Variants in OFD1 observed in about 807,000 individuals in gnomAD.
OFD1 encodes centriole and centriolar satellite protein OFD1.
Under a neutral mutation model 81.4 loss-of-function variants are expected in OFD1, and 12 were observed. That is an observed-to-expected ratio of 0.15 (90% CI 0.09 to 0.24). The LOEUF is 0.24. OFD1 is among the 10% of genes least tolerant of loss of function. The pLI is 1.00. For missense variants in OFD1, 685 were observed against 733.9 expected, an observed-to-expected ratio of 0.93 and a Z score of 0.77; for synonymous variants, 256 against 263.7, an observed-to-expected ratio of 0.97 and a Z score of 0.28.
intron 10 of OFD1, 110 bp from the exon 11 acceptor site, chrX:13,753,258 C>T: frequency 1.7e-6 from 2 of 1,174,441 alleles, no homozygotes; most frequent in East Asian, 6.1e-5. Flanking sequence ...TACAAGTTGT[C>T]ATGTTTAGCA....
Position 13,734,773 on chromosome X carries a change from G to A in OFD1, c.-299G>A. 1 of 1,056,248 alleles carries A rather than the reference G, an allele frequency of 9.5e-7. No individual in the cohort carries two copies. Among genetic ancestry groups the A allele is most frequent in the South Asian group, 2.7e-5 (1 of 37,202 alleles). The allele number at this position is 1,056,248 out of a possible 1,213,427, so 87.0% of individuals were successfully genotyped here. On this transcript the variant is annotated 5_prime_UTR_variant, in exon 1 of 23. Coordinates refer to ENST00000340096, the MANE Select transcript of OFD1 (RefSeq NM_003611.3). ...ACTGGCTGTGAGGCGGTCCTGCCTC[G>A]CTGCCTTCAGTCCCTAGTGTCTGGG...
Position 13,769,185 on chromosome X carries a change from TATC to T in OFD1, c.*82_*84del, listed in dbSNP as rs2048252385. On this transcript the variant is annotated 3_prime_UTR_variant, in exon 23 of 23. Transcript: ENST00000340096. ...ATTTACTCCTTTGTAAATGTTTCCC[TATC>T]ATCAGACAAAACTCAATAAAAATGT... is the stretch of plus-strand genomic sequence containing the variant. 2.7e-5 allele frequency: 22 copies of T among 815,103 alleles called. No individual in the cohort carries two copies. The South Asian group carries it at 4.5e-4, about 17-fold the overall frequency. The allele number at this position is 815,103 out of a possible 1,213,427, so 67.2% of individuals were successfully genotyped here. A position where few individuals can be genotyped will look rare whatever the true frequency, so the allele number is the denominator to read the frequency against.
rs751560133 is a variant in OFD1 at position 13,737,810 on chromosome X, AT to A, written c.313-1035del. On this transcript the variant is annotated intron_variant, in intron 3 of 22. Coordinates refer to ENST00000340096, the MANE Select transcript of OFD1 (RefSeq NM_003611.3). ...AAACTTAAATAATTTGCATTTCTTCATAAGCAACCAAATTTTATTTGTCAGC... is the reference window on the plus strand; with the variant it reads ...AAACTTAAATAATTTGCATTTCTTCAAAGCAACCAAATTTTATTTGTCAGC... Among the ~76,000 whole-genome samples, 40 of 112,083 alleles carry A rather than the reference AT, an allele frequency of 3.6e-4. No individual in the cohort carries two copies. In the South Asian group the frequency reaches 0.014, roughly 39 times the overall value.
chrX:13,767,327 T>C, intron 20 of OFD1, 43 bp downstream of exon 20: 1 of 1,178,889 alleles, frequency 8.5e-7, no homozygotes, highest in Non-Finnish European at 1.2e-6. Context: ...TGCTCCATTG[T>C]ACACCTTTCG....
At chrX:13,730,637 A>G, upstream of OFD1, among the ~76,000 whole-genome samples, 1 of 111,917 alleles carries the variant, frequency 8.9e-6, no homozygotes, top group Non-Finnish European at 1.9e-5. Context: ...TTGTGGCACT[A>G]TTCACAATAG....
chrX:13,770,231 A>G (rs1410886629), downstream of OFD1, among the ~76,000 whole-genome samples: 1 of 112,064 alleles, frequency 8.9e-6, no homozygotes, highest in African/African-American at 3.2e-5. Flanking sequence ...GACTCATGTG[A>G]CTTAAATAAT....
chrX:13,728,711 C>T, the OFD1 span, among the ~76,000 whole-genome samples: 1 of 112,197 alleles, frequency 8.9e-6, no homozygotes, highest in African/African-American at 3.2e-5. Flanking sequence ...TGCCCTCTCT[C>T]ACCACTCCTA....
chrX:13,754,044 C>T lies in OFD1; in HGVS notation c.1129+603C>T, dbSNP rs867100928. Among the ~76,000 whole-genome samples, 137 of 107,681 alleles carry T rather than the reference C, an allele frequency of 1.3e-3. 1 individual carries two copies. Among genetic ancestry groups the T allele is most frequent in the Middle Eastern group, 4.8e-3 (1 of 207 alleles). The allele number at this position is 107,681 out of a possible 115,157, so 93.5% of individuals were successfully genotyped here. On this transcript the variant is annotated intron_variant, in intron 11 of 22. Coordinates refer to ENST00000340096, the MANE Select transcript of OFD1 (RefSeq NM_003611.3). Reference sequence around the variant, plus strand: ...TCACCTAGGCTGGAGTGCAGTGGTGCGATCTCGGCTCACTACAAGCTCCAC... The same window carrying T: ...TCACCTAGGCTGGAGTGCAGTGGTGTGATCTCGGCTCACTACAAGCTCCAC...
At chrX:13,718,152 A>T in the OFD1 span, among the ~76,000 whole-genome samples, 18 of 112,683 alleles carry the variant, frequency 1.6e-4, no homozygotes, top group African/African-American at 5.8e-4. Flanking sequence ...TGCTGTCCCA[A>T]GCCACTCAGT....
At chrX:13,758,225 C>G in intron 14 of OFD1, 112 bp from the exon 15 acceptor site, 2 of 531,145 alleles carry the variant, frequency 3.8e-6, no homozygotes, top group Non-Finnish European at 6.5e-6. Flanking sequence ...CATAAAGCTT[C>G]TTGGAATTGG....
rs761100130 is a variant in OFD1 at position 13,767,235 on chromosome X, A to G, written c.2708A>G (p.Glu903Gly). 1.7e-6 allele frequency: 2 copies of G among 1,210,980 alleles called. No homozygotes were observed. Among genetic ancestry groups the G allele is most frequent in the Non-Finnish European group, 2.2e-6 (2 of 894,585 alleles). ...REERRQSNLQEVLERERRELE... is the reference protein window; with the variant it reads ...REERRQSNLQGVLERERRELE... Reference sequence around the variant, plus strand: ...GAAAGAAGGCAGAGTAACCTACAAGAAGTTTTAGAAAGGGAACGAAGAGAA... The same window carrying G: ...GAAAGAAGGCAGAGTAACCTACAAGGAGTTTTAGAAAGGGAACGAAGAGAA... Residue 903 changes from glutamate (E) to glycine (G), a missense_variant, in exon 20 of 23, where the codon GAA becomes GGA. This residue lies in a region of OFD1 where 259 missense variants were observed against 254.4 expected (regional missense o/e 1.02). Coordinates refer to ENST00000340096, the MANE Select transcript of OFD1 (RefSeq NM_003611.3).
chrX:13,761,314 T>G (rs902528782), intron 17 of OFD1, 103 bp downstream of exon 17: 70 of 863,930 alleles, frequency 8.1e-5, no homozygotes, highest in Non-Finnish European at 1.1e-4. Context: ...AGATAATTAT[T>G]ATAGATCATG....
At chrX:13,745,303 G>A (rs758935896) in intron 6 of OFD1, among the ~76,000 whole-genome samples, 7 of 112,175 alleles carry the variant, frequency 6.2e-5, no homozygotes, top group Admixed American at 2.8e-4. Context: ...TAGTAGCCAC[G>A]TTGAAAAAAG....
rs1185810664 is a variant in OFD1, at chrX:13,756,718, T to C, written c.1362T>C (p.Leu454=). ...KLELLAQNKL[L]KQQLEESRNE... The stretch of plus-strand genomic sequence containing the variant: ...AGCTTCTGGCACAAAATAAATTACT[T>C]AAACAACAACTGGAAGAGAGTAGAA... The change falls in exon 13 of 23, where the codon CTT becomes CTC. Residue 454 remains leucine, a synonymous_variant. Transcript: ENST00000340096. 1.7e-6 allele frequency: 2 copies of C among 1,208,115 alleles called. No individual in the cohort carries two copies. The highest frequency in any genetic ancestry group is 1.7e-5 in the African/African-American group (1 of 57,202).
the OFD1 span, among the ~76,000 whole-genome samples, chrX:13,717,779 G>T: frequency 8.9e-6 from 1 of 111,763 alleles, no homozygotes; most frequent in East Asian, 2.8e-4. Flanking sequence ...ACCTGTTATG[G>T]GTTGAAGTGT....
chrX:13,721,254 C>T, the OFD1 span: 1 of 111,930 alleles, frequency 8.9e-6, no homozygotes, highest in Non-Finnish European at 1.9e-5. Flanking sequence ...TACTTACTGG[C>T]AGTGTGACCA....
Position 13,738,941 on chromosome X carries a change from A to G in OFD1, c.381+27A>G, listed in dbSNP as rs375363601. On this transcript the variant is annotated intron_variant, in intron 4 of 22. Transcript: ENST00000340096. ...TAAGATGGCTTAGTTTCTGTAATCTACTTTGGTTTGTTAATTATAACTGAA... is the reference window on the plus strand; with the variant it reads ...TAAGATGGCTTAGTTTCTGTAATCTGCTTTGGTTTGTTAATTATAACTGAA... The G allele has an allele frequency of 9.5e-4, 1,117 of 1,175,640 alleles. No homozygotes were observed. The highest frequency in any genetic ancestry group is 1.2e-3 in the Non-Finnish European group (1,056 of 864,573).
At position 13,746,633 on chromosome X, in the gene OFD1, A is replaced by G. The variant is rs752845690; in HGVS notation, c.655-147A>G. 4 of 689,089 alleles carry G rather than the reference A, an allele frequency of 5.8e-6. No individual in the cohort carries two copies. The East Asian group carries it at 1.4e-4, about 24-fold the overall frequency. 56.8% of individuals were successfully genotyped at this position (689,089 alleles called of 1,213,427 possible). On this transcript the variant is annotated intron_variant, in intron 7 of 22. Transcript: ENST00000340096. ...TGTTTATGCCTTTTGAGTGAATCCT[A>G]CAAATAGAGTGAATGAGATAAAACT...
chrX:13,735,397 CAGGT>C (rs1340178212), intron 2 of OFD1, 51 bp downstream of exon 2: 2 of 918,015 alleles, frequency 2.2e-6, no homozygotes, highest in African/African-American at 1.9e-5. Context: ...TAACCTGTAA[CAGGT>C]AGTTCAAATT....
Sources: gnomAD v4.1 joint callset for allele counts (sites outside exome capture counted in the v4.1 genomes callset) on GRCh38, gnomAD v4.1.1 for gene constraint, gnomAD v4.1.1 regional missense constraint, MANE v1.5 for transcripts, NCBI Gene and HGNC (gene_info 2026-07-23, HGNC 2026-07-21) for gene names.